Variants in PDE4D observed in about 807,000 individuals in gnomAD.
The protein encoded by PDE4D is phosphodiesterase 4D, also known as 3',5'-cyclic-AMP phosphodiesterase 4D.
In PDE4D, 24 loss-of-function variants were observed where a neutral mutation model predicts 87.4. That is an observed-to-expected ratio of 0.27 (90% confidence interval 0.20 to 0.39). PDE4D has a LOEUF of 0.39. PDE4D is among the 10% of genes least tolerant of loss of function. The probability of loss-of-function intolerance (pLI) is 1.00; values close to 1 mark genes in which losing one functional copy is unlikely to be tolerated. For missense variants in PDE4D, 714 were observed against 1,041.0 expected (o/e 0.69, Z 4.32); for synonymous variants, 384 against 383.2 (o/e 1.00, Z -0.02).
At position 59,695,814 on chromosome 5, in the gene PDE4D, G is replaced by GCTCAGGCTGGTCTCT. The variant is rs199687862; in HGVS notation, c.455+197353_455+197354insAGAGACCAGCCTGAG. Among the ~76,000 whole-genome samples, 300 of 152,124 alleles carry GCTCAGGCTGGTCTCT rather than the reference G, an allele frequency of 2.0e-3. 4 individuals carry two copies. The East Asian group carries it at 0.053, about 27-fold the overall frequency. ...TGTAGAGATGGGGTTTCACCACGTTGCTCAGGCTGGTCTCAAACTCCTGAG... is the reference window on the plus strand; with the variant it reads ...TGTAGAGATGGGGTTTCACCACGTTGCTCAGGCTGGTCTCTCTCAGGCTGGTCTCAAACTCCTGAG... On this transcript the variant is annotated intron_variant, in intron 1 of 14. Coordinates refer to ENST00000340635, the MANE Select transcript of PDE4D (RefSeq NM_001104631.2).
At chr5:59,321,139 T>C (rs1774661914) in intron 1 of PDE4D, among the ~76,000 whole-genome samples, 3 of 152,168 alleles carry the variant, frequency 2.0e-5, no homozygotes, top group African/African-American at 7.2e-5. Context: ...TGTGCTTCTA[T>C]TGAGTTTTCA....
intron 1 of PDE4D, among the ~76,000 whole-genome samples, chr5:60,349,067 T>C (rs1339648939): frequency 6.6e-6 from 1 of 152,144 alleles, no homozygotes; most frequent in Admixed American, 6.6e-5. Flanking sequence ...AGGTAAAATG[T>C]GATATACAGT....
At chr5:59,065,942 T>A (rs1763860543) in intron 5 of PDE4D, among the ~76,000 whole-genome samples, 2 of 152,124 alleles carry the variant, frequency 1.3e-5, no homozygotes, top group Non-Finnish European at 2.9e-5. Flanking sequence ...TAAAGAAGAC[T>A]AAAAGGATCC....
At chr5:60,405,867 C>T (rs569515812) in intron 1 of PDE4D, among the ~76,000 whole-genome samples, 9 of 152,160 alleles carry the variant, frequency 5.9e-5, no homozygotes, top group East Asian at 5.8e-4. Context: ...AAACATAGAA[C>T]GTGGACTCAA....
chr5:60,137,240 G>A (rs1311160070), intron 2 of PDE4D, among the ~76,000 whole-genome samples: 12 of 152,056 alleles, frequency 7.9e-5, no homozygotes, highest in African/African-American at 2.7e-4. Context: ...TTGCTATTGT[G>A]AACAGTGCTG....
intron 2 of PDE4D, among the ~76,000 whole-genome samples, chr5:60,045,734 GT>G (rs766453904): frequency 4.6e-5 from 7 of 152,116 alleles, no homozygotes; most frequent in Non-Finnish European, 1.0e-4. Context: ...GTCTGTTTTG[GT>G]ACCAGTACCA....
chr5:59,399,941 T>A lies in PDE4D; in HGVS notation c.456-183973A>T, dbSNP rs1271578447. Among the ~76,000 whole-genome samples, 357 of 114,294 alleles carry A rather than the reference T, an allele frequency of 3.1e-3. 85 individuals are homozygous for A. Among genetic ancestry groups the A allele is most frequent in the African/African-American group, 0.012 (339 of 27,262 alleles). 75.0% of individuals were successfully genotyped at this position (114,294 alleles called of 152,430 possible). On this transcript the variant is annotated intron_variant, in intron 1 of 14. Transcript: ENST00000340635. ...GGCGAAGGACATGAACAGACACTTC[T>A]CAAAAGAAGACATTTATGCAGCCAA...
At chr5:59,465,785 C>A (rs1476133185) in intron 1 of PDE4D, among the ~76,000 whole-genome samples, 2 of 152,120 alleles carry the variant, frequency 1.3e-5, no homozygotes, top group Non-Finnish European at 2.9e-5. Flanking sequence ...ATTCATTGGG[C>A]TCAACTATTT....
chr5:59,594,544 C>T (rs1038382667), intron 1 of PDE4D, among the ~76,000 whole-genome samples: 1 of 152,120 alleles, frequency 6.6e-6, no homozygotes, highest in Middle Eastern at 3.4e-3. Context: ...TGGTCTCAAC[C>T]TCCTGACCTC....
intron 1 of PDE4D, among the ~76,000 whole-genome samples, chr5:59,697,502 T>C (rs1751953134): frequency 6.6e-6 from 1 of 152,174 alleles, no homozygotes; most frequent in African/African-American, 2.4e-5. Context: ...TCAAGAATTG[T>C]TATGTTCCTG....
intron 2 of PDE4D, among the ~76,000 whole-genome samples, chr5:60,106,098 G>A (rs1420064961): frequency 1.3e-5 from 2 of 152,100 alleles, no homozygotes; most frequent in East Asian, 1.9e-4. Context: ...TCAGTGTGCT[G>A]TATTCAGGAA....
chr5:60,184,082 A>G (rs1043892120), intron 2 of PDE4D, among the ~76,000 whole-genome samples: 9 of 152,178 alleles, frequency 5.9e-5, no homozygotes, highest in African/African-American at 2.2e-4. Flanking sequence ...AATTTTTTGC[A>G]TTAAACAAAT....
At chr5:60,012,595 CA>C (rs10709003) in intron 2 of PDE4D, among the ~76,000 whole-genome samples, 40,025 of 151,756 alleles carry the variant, frequency 0.26, 5,785 homozygotes, top group Admixed American at 0.35. Context: ...CTGCTATAAC[CA>C]AAAAAAATGG....
At chr5:60,245,034 CA>C (rs1747592531) in intron 1 of PDE4D, among the ~76,000 whole-genome samples, 1 of 151,950 alleles carries the variant, frequency 6.6e-6, no homozygotes, top group Non-Finnish European at 1.5e-5. Context: ...AAAATATTTG[CA>C]AACTATCCAT....
chr5:59,674,446 A>C (rs1747732744), intron 1 of PDE4D, among the ~76,000 whole-genome samples: 1 of 152,194 alleles, frequency 6.6e-6, no homozygotes, highest in African/African-American at 2.4e-5. Context: ...ATGAACCAAT[A>C]AATTAATTTA....
intron 1 of PDE4D, among the ~76,000 whole-genome samples, chr5:60,437,024 T>C (rs907401876): frequency 8.5e-5 from 13 of 152,206 alleles, no homozygotes; most frequent in African/African-American, 2.4e-4. Flanking sequence ...ATATTCTGAC[T>C]CGACCACTCT....
In PDE4D at chr5:60,011,797, T is replaced by C. The variant is rs142729302; in HGVS notation, c.43-23080A>G. Among the ~76,000 whole-genome samples the C allele has an allele frequency of 8.6e-3, 1,313 of 152,242 alleles. 15 individuals are homozygous for C. The highest frequency in any genetic ancestry group is 0.029 in the African/African-American group (1,207 of 41,530). Reference sequence around the variant, plus strand: ...AAAATATGGAGACCCTGTTTCCTAATTAATAACTCGGTCATCAAAAATCTT... The same window carrying C: ...AAAATATGGAGACCCTGTTTCCTAACTAATAACTCGGTCATCAAAAATCTT... On this transcript the variant is annotated intron_variant, in intron 2 of 16. Coordinates refer to the PDE4D transcript ENST00000502484.
chr5:59,783,037 C>T (rs1358541620), intron 1 of PDE4D, among the ~76,000 whole-genome samples: 2 of 152,166 alleles, frequency 1.3e-5, no homozygotes, highest in Non-Finnish European at 2.9e-5. Context: ...TAATGTATTA[C>T]TCCATCCAAA....
At chr5:60,237,578 T>A (rs919570992) in intron 1 of PDE4D, among the ~76,000 whole-genome samples, 4 of 152,002 alleles carry the variant, frequency 2.6e-5, no homozygotes, top group Non-Finnish European at 5.9e-5. Context: ...TTTATAGAGA[T>A]GAAGAACATA....
Sources: gnomAD v4.1 joint callset for allele counts (sites outside exome capture counted in the v4.1 genomes callset) on GRCh38, gnomAD v4.1.1 for gene constraint, MANE v1.5 for transcripts, NCBI Gene and HGNC (gene_info 2026-07-23, HGNC 2026-07-21) for gene names.